The following SZT2 variants were observed in gnomAD, a reference collection of about 807,000 sequenced individuals.
SZT2 encodes the protein SZT2 subunit of KICSTOR complex.
SZT2 carries 216 observed loss-of-function variants against 404.2 expected under a neutral mutation model. That is an observed-to-expected ratio of 0.53 (90% CI 0.48 to 0.60). SZT2 has a LOEUF of 0.60. Among genes scored for constraint, SZT2 ranks in the 20% least tolerant of loss-of-function variants. The pLI is 0.00. For synonymous variants in SZT2, 1,693 were observed against 1,749.9 expected, an observed-to-expected ratio of 0.97 and a Z score of 0.81; for missense variants, 3,857 against 4,459.2, an observed-to-expected ratio of 0.86 and a Z score of 3.85.
At chr1:43,418,023 C>G (rs1651906643) in intron 7 of SZT2, among the ~76,000 whole-genome samples, 2 of 152,024 alleles carry the variant, frequency 1.3e-5, no homozygotes, top group Non-Finnish European at 2.9e-5. Flanking sequence ...GCAAAAAGAT[C>G]AAGTAAAATG....
Position 43,430,672 on chromosome 1 carries a change from A to C in SZT2, c.4657A>C (p.Thr1553Pro). The change falls in exon 32 of 72, where the codon ACT becomes CCT. Residue 1553 changes from threonine to proline, a missense_variant. Physicochemically the swap from Thr to Pro is conservative, Grantham distance 38. Coordinates refer to ENST00000634258, the MANE Select transcript of SZT2 (RefSeq NM_001365999.1). ...CAGTATCTTGGGGGGCGACTCACCC[A>C]CTGGGCCTGAGAGCTTCCTTCATGA... ...SFSILGGDSP[T>P]GPESFLHDLP... The C allele has an allele frequency of 6.2e-7, 1 of 1,613,770 alleles. No individual in the cohort carries two copies. The highest frequency in any genetic ancestry group is 8.5e-7 in the Non-Finnish European group (1 of 1,179,944).
intron 4 of SZT2, among the ~76,000 whole-genome samples, chr1:43,414,804 G>A (rs547655183): frequency 6.6e-6 from 1 of 152,358 alleles, no homozygotes; most frequent in African/African-American, 2.4e-5. Flanking sequence ...AGATCTTATA[G>A]TGCCCCCATG....
In SZT2 at chr1:43,438,817, G is replaced by T. The variant is rs2153935277; in HGVS notation, c.6627G>T (p.Glu2209Asp). 1 of 1,612,896 alleles carries T rather than the reference G, an allele frequency of 6.2e-7. No homozygotes were observed. Among genetic ancestry groups the T allele is most frequent in the South Asian group, 1.1e-5 (1 of 90,998 alleles). The part of the protein sequence containing the change: ...RNCKLTPADV[E>D]FIQPPGSLPS... The stretch of plus-strand genomic sequence containing the variant: ...GCAAGCTGACACCAGCTGATGTGGA[G>T]GTCAGCTCCCCTCTAGGCACCAGCA... Residue 2209 changes from glutamate to aspartate, a missense_variant and splice_region_variant, in exon 47 of 72, where the codon GAG (glutamate) becomes GAT (aspartate). Glu to Asp is a conservative substitution (Grantham distance 45, BLOSUM62 2). Transcript: ENST00000634258.
At chr1:43,391,781 AC>A (rs1370334688) in intron 1 of SZT2, among the ~76,000 whole-genome samples, 3 of 91,402 alleles carry the variant, frequency 3.3e-5, no homozygotes, top group African/African-American at 1.3e-4. Context: ...TCTGATAGCC[AC>A]ATAAAAAAAT....
rs755164770 is a variant in SZT2 at position 43,450,987 on chromosome 1, C to T, written c.*507C>T. 1.4e-5 allele frequency: 11 copies of T among 765,020 alleles called. No homozygotes were observed. The highest frequency in any genetic ancestry group is 1.0e-4 in the Admixed American group (6 of 58,968). 47.4% of individuals were successfully genotyped at this position (765,020 alleles called of 1,614,324 possible). ...AAGCACTTGTGGCCACCGTCAAGTCCCTTTGCTCTCGGACCCTGGGTTTCT... is the reference window on the plus strand; with the variant it reads ...AAGCACTTGTGGCCACCGTCAAGTCTCTTTGCTCTCGGACCCTGGGTTTCT... On this transcript the variant is annotated 3_prime_UTR_variant, in exon 72 of 72. Transcript: ENST00000634258. This position sits in a 1 kb window ranked among gnomAD's most constrained non-coding sequence, Gnocchi z 4.3.
intron 1 of SZT2, among the ~76,000 whole-genome samples, chr1:43,392,108 A>AAAAAAAAAAAAAAAAAAAAG (rs1648440969): frequency 5.8e-5 from 1 of 17,202 alleles, no homozygotes; most frequent in Admixed American, 5.4e-4. Context: ...AAAAAAAAAA[A>AAAAAAAAAAAAAAAAAAAAG]AAAAAAAAAA....
Position 43,415,342 on chromosome 1 carries a change from A to G in SZT2, c.630+129A>G, listed in dbSNP as rs978626527. ...AGCTGGGGCAAAATGAGACAAGGAT[A>G]GGCATGCTCATGACACACTCCCTGT... is the stretch of plus-strand genomic sequence containing the variant. On this transcript the variant is annotated intron_variant, in intron 5 of 71. Coordinates refer to ENST00000634258, the MANE Select transcript of SZT2 (RefSeq NM_001365999.1). 14 of 1,130,786 alleles carry G rather than the reference A, an allele frequency of 1.2e-5. No individual in the cohort carries two copies. The Admixed American group carries it at 2.0e-4, about 16-fold the overall frequency. 70.0% of individuals were successfully genotyped at this position (1,130,786 alleles called of 1,614,324 possible). A position where few individuals can be genotyped will look rare whatever the true frequency, so the allele number is the denominator to read the frequency against.
chr1:43,403,986 G>A, intron 3 of SZT2: 1 of 588,398 alleles, frequency 1.7e-6, no homozygotes, highest in South Asian at 2.3e-5. Context: ...AAGGCGGGCT[G>A]ATTACTCGAG....
chr1:43,416,241 T>C, intron 6 of SZT2, 140 bp downstream of exon 6: 1 of 1,147,538 alleles, frequency 8.7e-7, no homozygotes. Context: ...AAAATGTAAG[T>C]CTGTATTAGT....
intron 46 of SZT2, 39 bp from the exon 47 acceptor site, chr1:43,438,660 C>G: frequency 6.3e-7 from 1 of 1,593,850 alleles, no homozygotes; most frequent in South Asian, 1.1e-5. Flanking sequence ...GCTGGATCCT[C>G]TACCAGTGTC....
Position 43,452,293 on chromosome 1 carries a change from G to C in SZT2, c.*1813G>C. Reference sequence around the variant, plus strand: ...GACTGCTATTCGATCAGCTCCCTGGGGTACTCGGCCAGCCATCAGGTGGAT... The same window carrying C: ...GACTGCTATTCGATCAGCTCCCTGGCGTACTCGGCCAGCCATCAGGTGGAT... On this transcript the variant is annotated 3_prime_UTR_variant, in exon 72 of 72. Transcript: ENST00000634258. 1 of 1,614,014 alleles carries C rather than the reference G, an allele frequency of 6.2e-7. No homozygotes were observed. The highest frequency in any genetic ancestry group is 8.5e-7 in the Non-Finnish European group (1 of 1,179,972).
In SZT2 at chr1:43,434,390, C is replaced by G. The variant is rs756879355; in HGVS notation, c.5809C>G (p.Leu1937Val). The G allele has an allele frequency of 6.3e-7, 1 of 1,592,300 alleles. No homozygotes were observed. The highest frequency in any genetic ancestry group is 8.5e-7 in the Non-Finnish European group (1 of 1,170,930). Reference protein sequence around the residue: ...RVEVYAHARSLIREDGGPGTE... With the variant: ...RVEVYAHARSVIREDGGPGTE... ...CAGATTATCCTTCCTTCCCAGGAGCCTGATTCGGGAGGATGGGGGGCCGGG... is the reference window on the plus strand; with the variant it reads ...CAGATTATCCTTCCTTCCCAGGAGCGTGATTCGGGAGGATGGGGGGCCGGG... The change falls in exon 41 of 72, where the codon CTG becomes GTG. Residue 1937 changes from leucine to valine, a missense_variant. Physicochemically the swap from Leu to Val is conservative, Grantham distance 32 (BLOSUM62 1). Transcript: ENST00000634258.
At position 43,451,927 on chromosome 1, in the gene SZT2, G is replaced by A. The variant is rs771662201; in HGVS notation, c.*1447G>A. ...GGGACAGAAGGAGAGACAGGGCTGG[G>A]GTCGTACCCTGCTGGGGCGTGTCCA... On this transcript the variant is annotated 3_prime_UTR_variant, in exon 72 of 72. Transcript: ENST00000634258. 1 of 1,612,820 alleles carries A rather than the reference G, an allele frequency of 6.2e-7. No individual in the cohort carries two copies. The highest frequency in any genetic ancestry group is 8.5e-7 in the Non-Finnish European group (1 of 1,178,988).
intron 40 of SZT2, among the ~76,000 whole-genome samples, 185 bp from the exon 41 acceptor site, chr1:43,434,201 C>T (rs765561944): frequency 2.0e-5 from 3 of 152,188 alleles, no homozygotes; most frequent in Non-Finnish European, 2.9e-5. Context: ...TCCGTCTCTT[C>T]CATTTCCCAC....
At position 43,410,575 on chromosome 1, in the gene SZT2, A is replaced by AG. The variant is rs1296514871; in HGVS notation, c.499-4507_499-4506insG. 3 of 151,074 alleles carry AG rather than the reference A, an allele frequency of 2.0e-5. No individual in the cohort carries two copies. In the East Asian group the frequency reaches 5.8e-4, roughly 29 times the overall value. 9.4% of individuals were successfully genotyped at this position (151,074 alleles called of 1,614,324 possible). ...GTCTCAAAAAAAAAAAAAAAAAAAA[A>AG]AAAGACTTAAATCTAAGACCTCAAA... On this transcript the variant is annotated intron_variant, in intron 4 of 71. Transcript: ENST00000634258.
In SZT2 at chr1:43,442,159, G is replaced by A. The variant is rs748989786; in HGVS notation, c.7873+29G>A. 1 of 1,009,370 alleles carries A rather than the reference G, an allele frequency of 9.9e-7. No individual in the cohort carries two copies. The highest frequency in any genetic ancestry group is 3.6e-5 in the East Asian group (1 of 28,138). 62.5% of individuals were successfully genotyped at this position (1,009,370 alleles called of 1,614,324 possible). A position where few individuals can be genotyped will look rare whatever the true frequency, so the allele number is the denominator to read the frequency against. On this transcript the variant is annotated intron_variant, in intron 56 of 71. Coordinates refer to ENST00000634258, the MANE Select transcript of SZT2 (RefSeq NM_001365999.1). This position sits in a 1 kb window ranked among gnomAD's most constrained non-coding sequence, Gnocchi z 4.5. Reference sequence around the variant, plus strand: ...AGGGCATGGCCCGGGGGGGCGGGGGGCGGGTAGGCTAAGAGTAACTGGTGG... The same window carrying A: ...AGGGCATGGCCCGGGGGGGCGGGGGACGGGTAGGCTAAGAGTAACTGGTGG...
In SZT2 at chr1:43,450,505, T is replaced by C. The variant is rs754313758; in HGVS notation, c.*25T>C. ...AGGGAGTGGACTGGACCACTGAATG[T>C]CACTGTTCCTTGAATCATGGGCCTA... is the stretch of plus-strand genomic sequence containing the variant. On this transcript the variant is annotated 3_prime_UTR_variant, in exon 72 of 72. Coordinates refer to ENST00000634258, the MANE Select transcript of SZT2 (RefSeq NM_001365999.1). This position sits in a 1 kb window ranked among gnomAD's most constrained non-coding sequence, Gnocchi z 4.3. The C allele has an allele frequency of 6.9e-5, 112 of 1,613,282 alleles. No individual in the cohort carries two copies. The highest frequency in any genetic ancestry group is 9.2e-5 in the Non-Finnish European group (109 of 1,179,570).
At position 43,426,318 on chromosome 1, in the gene SZT2, C is replaced by T. The variant is rs1017275859; in HGVS notation, c.3044-50C>T. ...CAGCTGGTCAGGGCTGAGCCGGGGG[C>T]ACCGGGCAGCAGGAGGCTCTTGGTG... On this transcript the variant is annotated intron_variant, in intron 21 of 71. Coordinates refer to ENST00000634258, the MANE Select transcript of SZT2 (RefSeq NM_001365999.1). This position sits in a 1 kb window ranked among gnomAD's most constrained non-coding sequence, Gnocchi z 4.9. 12 of 1,507,920 alleles carry T rather than the reference C, an allele frequency of 8.0e-6. No individual in the cohort carries two copies. The Admixed American group carries it at 1.8e-4, about 23-fold the overall frequency. The allele number at this position is 1,507,920 out of a possible 1,614,324, so 93.4% of individuals were successfully genotyped here.
rs139815571 is a variant in SZT2 at position 43,413,818 on chromosome 1, G to A, written c.499-1264G>A. On this transcript the variant is annotated intron_variant, in intron 4 of 71. Coordinates refer to ENST00000634258, the MANE Select transcript of SZT2 (RefSeq NM_001365999.1). ...CAAAGGCTGGGAAGGGTAGCTGGGG[G>A]AGGTGGAAGGGGAGATGGTTAATGG... Among the ~76,000 whole-genome samples, 1,255 of 152,328 alleles carry A rather than the reference G, an allele frequency of 8.2e-3. 14 individuals carry two copies. Among genetic ancestry groups the A allele is most frequent in the Middle Eastern group, 0.021 (6 of 292 alleles).
Sources: allele counts gnomAD v4.1 joint callset (sites outside exome capture counted in the v4.1 genomes callset), GRCh38; gene constraint gnomAD v4.1.1; non-coding constraint Gnocchi (gnomAD v3.1); transcripts MANE v1.5; gene names NCBI Gene and HGNC (gene_info 2026-07-23, HGNC 2026-07-21).